KMT2C: variants seen among roughly 807,000 people sequenced by gnomAD.
KMT2C encodes the protein histone-lysine N-methyltransferase 2C.
In KMT2C, 88 loss-of-function variants were observed where a neutral mutation model predicts 507.9. The observed-to-expected ratio is 0.17, with a 90% CI of 0.15 to 0.21. The LOEUF is 0.21. Ranked by LOEUF, KMT2C falls within the 10% of genes least tolerant of loss-of-function variation. The pLI is 1.00. For missense variants in KMT2C, 4,954 were observed against 5,957.8 expected (o/e 0.83, Z 5.55); for synonymous variants, 2,049 against 2,080.8 (o/e 0.98, Z 0.42).
At chr7:152,381,630 T>A (rs2097374924) in intron 1 of KMT2C, among the ~76,000 whole-genome samples, 1 of 152,296 alleles carries the variant, frequency 6.6e-6, no homozygotes, top group East Asian at 1.9e-4. Context: ...ACCATTTTAA[T>A]AATTTGGCAA....
chr7:152,353,421 T>A (rs1003267331), intron 2 of KMT2C, among the ~76,000 whole-genome samples: 3 of 152,194 alleles, frequency 2.0e-5, no homozygotes, highest in Non-Finnish European at 4.4e-5. Context: ...AAATGAGGTT[T>A]CTTATTACTT....
intron 6 of KMT2C, among the ~76,000 whole-genome samples, chr7:152,293,398 G>T (rs989908647): frequency 1.4e-4 from 22 of 152,072 alleles, no homozygotes; most frequent in African/African-American, 5.3e-4. Context: ...ACTGTTAAAA[G>T]GTTTTTAATT....
intron 18 of KMT2C, among the ~76,000 whole-genome samples, chr7:152,226,371 T>C (rs2094933989): frequency 6.6e-6 from 1 of 151,926 alleles, no homozygotes; most frequent in South Asian, 2.1e-4. Context: ...TAACTAGGAC[T>C]ACAGGAATGA....
Position 152,136,686 on chromosome 7 carries a change from C to T in KMT2C, c.*146G>A, listed in dbSNP as rs1425180878. 2 of 642,814 alleles carry T rather than the reference C, an allele frequency of 3.1e-6. No individual in the cohort carries two copies. The highest frequency in any genetic ancestry group is 5.5e-6 in the Non-Finnish European group (2 of 361,198). The allele number at this position is 642,814 out of a possible 1,614,324, so 39.8% of individuals were successfully genotyped here. On this transcript the variant is annotated 3_prime_UTR_variant, in exon 59 of 59. Coordinates refer to ENST00000262189, the MANE Select transcript of KMT2C (RefSeq NM_170606.3). ...CCTGGCGCTGCTTTAACCTAAAGGACTGAGGAAATCAGAACTCCCAGAAGC... is the reference window on the plus strand; with the variant it reads ...CCTGGCGCTGCTTTAACCTAAAGGATTGAGGAAATCAGAACTCCCAGAAGC...
chr7:152,416,792 C>T (rs892905966), intron 1 of KMT2C, among the ~76,000 whole-genome samples: 1 of 150,444 alleles, frequency 6.6e-6, no homozygotes, highest in Non-Finnish European at 1.5e-5. Flanking sequence ...TGGCTCACAC[C>T]TGTAATCCCA....
At chr7:152,425,844 A>C (rs1180043251) in intron 1 of KMT2C, among the ~76,000 whole-genome samples, 1 of 152,082 alleles carries the variant, frequency 6.6e-6, no homozygotes, top group East Asian at 1.9e-4. Flanking sequence ...AATCGATTAC[A>C]ATAAGGTGTA....
intron 1 of KMT2C, among the ~76,000 whole-genome samples, chr7:152,424,136 G>C (rs2097795917): frequency 6.6e-6 from 1 of 151,890 alleles, no homozygotes; most frequent in African/African-American, 2.4e-5. Flanking sequence ...CTGAGACCGG[G>C]TATTGTTCTG....
chr7:152,426,701 G>GA (rs1033085754), intron 1 of KMT2C, among the ~76,000 whole-genome samples: 1 of 152,128 alleles, frequency 6.6e-6, no homozygotes, highest in African/African-American at 2.4e-5. Flanking sequence ...GTCTATGCCA[G>GA]AAACTGTTCT....
At chr7:152,222,927 A>C (rs2094819498) in intron 20 of KMT2C, among the ~76,000 whole-genome samples, 1 of 152,226 alleles carries the variant, frequency 6.6e-6, no homozygotes, top group Non-Finnish European at 1.5e-5. Context: ...TAAGGAAGCT[A>C]ATTATTTTAT....
At chr7:152,196,125 C>T in intron 27 of KMT2C, 114 bp from the exon 28 acceptor site, 1 of 467,314 alleles carries the variant, frequency 2.1e-6, no homozygotes, top group Non-Finnish European at 3.8e-6. Context: ...GGAATAAAAA[C>T]CTGAGACTCT....
At chr7:152,419,009 CAT>C (rs1015606642) in intron 1 of KMT2C, among the ~76,000 whole-genome samples, 1 of 151,896 alleles carries the variant, frequency 6.6e-6, no homozygotes, top group African/African-American at 2.4e-5. Flanking sequence ...GCCTGGGTGA[CAT>C]AGTGAGACGA....
chr7:152,286,197 T>C (rs529518177), intron 6 of KMT2C, among the ~76,000 whole-genome samples: 3 of 152,408 alleles, frequency 2.0e-5, no homozygotes, highest in Non-Finnish European at 2.9e-5. Context: ...CTAACATTCA[T>C]GTAATTAGAG....
chr7:152,420,499 A>T (rs937373057), intron 1 of KMT2C, among the ~76,000 whole-genome samples: 1 of 152,208 alleles, frequency 6.6e-6, no homozygotes, highest in African/African-American at 2.4e-5. Context: ...CAGAGTAAAC[A>T]GACAACCTAC....
chr7:152,434,052 A>G (rs1272027741), intron 1 of KMT2C, among the ~76,000 whole-genome samples: 4 of 152,212 alleles, frequency 2.6e-5, no homozygotes, highest in Admixed American at 6.5e-5. Context: ...GTAAAACCCC[A>G]ATATGGCTTG....
rs1218399825 is a variant in KMT2C, at chr7:152,181,165, C to T, written c.6695G>A (p.Gly2232Asp). 2.5e-6 allele frequency: 4 copies of T among 1,614,128 alleles called. No homozygotes were observed. The highest frequency in any genetic ancestry group is 3.4e-6 in the Non-Finnish European group (4 of 1,180,030). Residue 2232 changes from glycine to aspartate, a missense_variant, in exon 36 of 59, where the codon GGT becomes GAT. By Grantham distance (94) the Gly-to-Asp change is moderately conservative. Around this residue, in one of 29 missense-constraint regions of KMT2C, gnomAD observed 1,689 missense variants for 1,654.3 expected, o/e 1.02. Transcript: ENST00000262189. ...TCTTGTCATTGAGGACCTAGTAAAA[C>T]CCTCTGAAATCCTTGGCCTTGGTGT... The part of the protein sequence containing the change: ...PATPRPRISE[G>D]FTRSSMTRPV...
intron 34 of KMT2C, among the ~76,000 whole-genome samples, 162 bp from the exon 35 acceptor site, chr7:152,183,318 T>C (rs896443950): frequency 2.0e-5 from 3 of 152,148 alleles, no homozygotes; most frequent in East Asian, 3.8e-4. Context: ...CACTAACTCA[T>C]CTTCTCTCTT....
intron 1 of KMT2C, among the ~76,000 whole-genome samples, chr7:152,425,230 C>G (rs979202243): frequency 6.6e-6 from 1 of 152,112 alleles, no homozygotes; most frequent in Non-Finnish European, 1.5e-5. Flanking sequence ...GAATTCTCAT[C>G]TATTAATAGT....
At position 152,232,392 on chromosome 7, in the gene KMT2C, G is replaced by A. The variant is rs77755826; in HGVS notation, c.2770-2071C>T. ...GCCATGAAAGAAATTATCAAAAGAC[G>A]TTGTTGAGTGAAAAAATAAATTGCA... is the stretch of plus-strand genomic sequence containing the variant. On this transcript the variant is annotated intron_variant, in intron 16 of 58. Transcript: ENST00000262189. Among the ~76,000 whole-genome samples the A allele has an allele frequency of 5.3e-4, 80 of 149,794 alleles. 1 individual carries two copies. In the East Asian group the frequency reaches 8.1e-3, roughly 15 times the overall value.
chr7:152,321,529 C>T (rs1202887410), intron 3 of KMT2C, among the ~76,000 whole-genome samples: 1 of 151,738 alleles, frequency 6.6e-6, no homozygotes, highest in African/African-American at 2.4e-5. Context: ...ACCCTAAAGA[C>T]TCCACCAAAA....
Sources: allele counts gnomAD v4.1 joint callset (sites outside exome capture counted in the v4.1 genomes callset), GRCh38; gene constraint gnomAD v4.1.1; regional missense constraint gnomAD v4.1.1; transcripts MANE v1.5; gene names NCBI Gene and HGNC (gene_info 2026-07-23, HGNC 2026-07-21).